The following OTX1 variants were observed in gnomAD, a reference collection of about 807,000 sequenced individuals.
The protein encoded by OTX1 is homeobox protein OTX1.
A neutral mutation model predicts 26.7 loss-of-function variants in OTX1; 7 were observed. The observed-to-expected ratio is 0.26, with a 90% CI of 0.15 to 0.49. The LOEUF is 0.49. Among genes scored for constraint, OTX1 ranks in the 20% least tolerant of loss-of-function variants. The pLI, the probability that OTX1 is intolerant of heterozygous loss-of-function variation, is 0.98. For synonymous variants in OTX1, 216 were observed against 212.8 expected, an observed-to-expected ratio of 1.01 and a Z score of -0.13; for missense variants, 414 against 483.8, an observed-to-expected ratio of 0.86 and a Z score of 1.35.
chr2:63,051,738 C>T (rs1490546664), intron 2 of OTX1: 1 of 152,596 alleles, frequency 6.6e-6, no homozygotes, highest in East Asian at 1.9e-4. Context: ...TTAGCTCTAA[C>T]TTCTCTCCTT....
intron 4 of OTX1, among the ~76,000 whole-genome samples, chr2:63,054,985 A>AC (rs2062053191): frequency 6.6e-6 from 1 of 152,016 alleles, no homozygotes; most frequent in Admixed American, 6.6e-5. Flanking sequence ...TCCTACCCCC[A>AC]CCCAAATACT....
rs773624262 is a variant in OTX1 at position 63,056,192 on chromosome 2, C to A, written c.941C>A (p.Ala314Asp). Residue 314 changes from alanine (A) to aspartate (D), a missense_variant, in exon 5 of 5, where the codon GCC becomes GAC. Ala to Asp is a moderately radical substitution (Grantham distance 126, BLOSUM62 -2). This residue lies in a region of OTX1 where 320 missense variants were observed against 347.9 expected (regional missense o/e 0.92). Coordinates refer to ENST00000282549, the MANE Select transcript of OTX1 (RefSeq NM_014562.4). Reference sequence around the variant, plus strand: ...GGCTCTGGGCTTGCCTTCAACTCTGCCGACTGCTTGGATTACAAGGAGCCT... The same window carrying A: ...GGCTCTGGGCTTGCCTTCAACTCTGACGACTGCTTGGATTACAAGGAGCCT... ...YGGSGLAFNS[A>D]DCLDYKEPGA... The A allele has an allele frequency of 1.2e-6, 2 of 1,614,068 alleles. No individual in the cohort carries two copies. Among genetic ancestry groups the A allele is most frequent in the Non-Finnish European group, 1.7e-6 (2 of 1,180,014 alleles).
intron 3 of OTX1, 107 bp from the exon 4 acceptor site, chr2:63,053,940 T>G: frequency 7.5e-7 from 1 of 1,335,476 alleles, no homozygotes; most frequent in Non-Finnish European, 1.0e-6. Context: ...AGTTCGGCTT[T>G]CTTTTGCGAA....
intron 3 of OTX1, 188 bp downstream of exon 3, chr2:63,053,275 G>A (rs748920688): frequency 8.6e-6 from 4 of 466,270 alleles, no homozygotes; most frequent in Non-Finnish European, 7.5e-6. Flanking sequence ...CGTGTGAGGT[G>A]GCCAGGGCTG....
chr2:63,055,800 G>T lies in OTX1; in HGVS notation c.549G>T (p.Ser183=). 1 of 1,611,988 alleles carries T rather than the reference G, an allele frequency of 6.2e-7. No homozygotes were observed. Among genetic ancestry groups the T allele is most frequent in the Non-Finnish European group, 8.5e-7 (1 of 1,179,648 alleles). The change falls in exon 5 of 5, where the codon TCG becomes TCT. Residue 183 remains serine, a synonymous_variant. Transcript: ENST00000282549. The surrounding 1 kb of genome is among the most constrained non-coding windows in gnomAD (Gnocchi z 5.2). ...ASSIWSPASI[S]PGSAPASVSV... ...CTATCTGGAGCCCGGCCTCCATCTC[G>T]CCAGGCTCAGCGCCCGCGTCCGTGT...
rs747760648 is a variant in OTX1, at chr2:63,053,059, C to T, written c.69C>T (p.Asp23=). The change falls in exon 3 of 5, where the codon GAC becomes GAT. Residue 23 remains aspartate (D), a synonymous_variant. Transcript: ENST00000282549. ...NGLGLAGPAM[D]LLHPSVGYPA... is the part of the protein sequence containing the mutation. Reference sequence around the variant, plus strand: ...TGGGCCTGGCCGGGCCCGCCATGGACCTCCTGCACCCATCCGTGGGCTATC... The same window carrying T: ...TGGGCCTGGCCGGGCCCGCCATGGATCTCCTGCACCCATCCGTGGGCTATC... 1.3e-6 allele frequency: 2 copies of T among 1,597,248 alleles called. No individual in the cohort carries two copies. Among genetic ancestry groups the T allele is most frequent in the East Asian group, 4.6e-5 (2 of 43,380 alleles).
At position 63,055,626 on chromosome 2, in the gene OTX1, C is replaced by A; in HGVS notation, c.375C>A (p.Gly125=). The A allele has an allele frequency of 1.2e-6, 2 of 1,614,176 alleles. No individual in the cohort carries two copies. The highest frequency in any genetic ancestry group is 1.7e-6 in the Non-Finnish European group (2 of 1,180,042). ...VRESSGSESS[G]QFTPPAVSSS... ...AGAGCTCGGGCTCCGAAAGCAGTGGCCAATTCACGCCGCCAGCTGTGTCCA... is the reference window on the plus strand; with the variant it reads ...AGAGCTCGGGCTCCGAAAGCAGTGGACAATTCACGCCGCCAGCTGTGTCCA... The change falls in exon 5 of 5, where the codon GGC becomes GGA. Residue 125 remains glycine (G), a synonymous_variant. Coordinates refer to ENST00000282549, the MANE Select transcript of OTX1 (RefSeq NM_014562.4). This position sits in a 1 kb window ranked among gnomAD's most constrained non-coding sequence, Gnocchi z 5.2.
chr2:63,055,814 C>G lies in OTX1; in HGVS notation c.563C>G (p.Pro188Arg), dbSNP rs1415828266. 1 of 1,612,138 alleles carries G rather than the reference C, an allele frequency of 6.2e-7. No individual in the cohort carries two copies. Among genetic ancestry groups the G allele is most frequent in the East Asian group, 2.2e-5 (1 of 44,858 alleles). Residue 188 changes from proline to arginine, a missense_variant, in exon 5 of 5, where the codon CCC becomes CGC. By Grantham distance (103) the Pro-to-Arg change is moderately radical. Around this residue, in one of 3 missense-constraint regions of OTX1, gnomAD observed 320 missense variants for 347.9 expected, o/e 0.92. Transcript: ENST00000282549. This position sits in a 1 kb window ranked among gnomAD's most constrained non-coding sequence, Gnocchi z 5.2. ...GCCTCCATCTCGCCAGGCTCAGCGC[C>G]CGCGTCCGTGTCGGTGCCGGAGCCA... ...SPASISPGSA[P>R]ASVSVPEPLA...
In OTX1 at chr2:63,056,344, G is replaced by C; in HGVS notation, c.*28G>C. 1.3e-6 allele frequency: 2 copies of C among 1,567,834 alleles called. No individual in the cohort carries two copies. The highest frequency in any genetic ancestry group is 1.2e-5 in the South Asian group (1 of 86,856). ...CCAGGAATGAAAGAGGAGAAGAAAC[G>C]CAACTACCTGCGCCCTCCGTGGTCC... On this transcript the variant is annotated 3_prime_UTR_variant, in exon 5 of 5. Transcript: ENST00000282549.
rs1185397451 is a variant in OTX1 at position 63,054,219 on chromosome 2, A to G, written c.249+21A>G. On this transcript the variant is annotated intron_variant, in intron 4 of 4. Transcript: ENST00000282549. ...TCCAGGTGCGCACTCCCCGGGCTCC[A>G]GGGTCTGGGTAGGGGAGCTGAGGCT... The G allele has an allele frequency of 5.1e-6, 8 of 1,571,334 alleles. No homozygotes were observed. The African/African-American group carries it at 8.1e-5, about 16-fold the overall frequency.
At position 63,056,148 on chromosome 2, in the gene OTX1, C is replaced by A. The variant is rs779428723; in HGVS notation, c.897C>A (p.His299Gln). ...GCCACCACCACCACCATCACCACCA[C>A]CACCACCAAGGCTACGGTGGCTCTG... ...SSGHHHHHHH[H>Q]HHQGYGGSGL... is the part of the protein sequence containing the mutation. Residue 299 changes from histidine to glutamine, a missense_variant, in exon 5 of 5, where the codon CAC (histidine) becomes CAA (glutamine). His to Gln is a conservative substitution (Grantham distance 24, BLOSUM62 0). Transcript: ENST00000282549. 1.2e-6 allele frequency: 2 copies of A among 1,614,082 alleles called. No individual in the cohort carries two copies. The highest frequency in any genetic ancestry group is 1.1e-5 in the South Asian group (1 of 91,074).
rs2062053988 is a variant in OTX1, at chr2:63,055,144, G to A, written c.250-357G>A. On this transcript the variant is annotated intron_variant, in intron 4 of 4. Transcript: ENST00000282549. This position sits in a 1 kb window ranked among gnomAD's most constrained non-coding sequence, Gnocchi z 5.2. ...AAACTGGGCCTCCAAACACACACGG[G>A]GCCTCCAAACATACACGGAAGCAGC... Among the ~76,000 whole-genome samples, 1 of 152,210 alleles carries A rather than the reference G, an allele frequency of 6.6e-6. No individual in the cohort carries two copies. Among genetic ancestry groups the A allele is most frequent in the South Asian group, 2.1e-4 (1 of 4,834 alleles).
At chr2:63,053,813 G>A (rs187591346) in intron 3 of OTX1, 7 of 553,974 alleles carry the variant, frequency 1.3e-5, no homozygotes, top group African/African-American at 3.9e-5. Context: ...CCTCTGAGAG[G>A]CATAGAGAGG....
chr2:63,056,275 G>A lies in OTX1; in HGVS notation c.1024G>A (p.Asp342Asn), dbSNP rs1328350438. Residue 342 changes from aspartate to asparagine, a missense_variant, in exon 5 of 5, where the codon GAC (aspartate) becomes AAC (asparagine). Physicochemically the swap from Asp to Asn is conservative, Grantham distance 23 (BLOSUM62 1). Transcript: ENST00000282549. Reference protein sequence around the residue: ...KLNFNSPDCLDYKDQASWRFQ... With the variant: ...KLNFNSPDCLNYKDQASWRFQ... ...CAACTTCAACTCCCCCGACTGTCTG[G>A]ACTATAAGGACCAAGCCTCATGGCG... The A allele has an allele frequency of 1.9e-6, 3 of 1,613,954 alleles. No individual in the cohort carries two copies.
chr2:63,050,336 G>T (rs188234433), upstream of OTX1, among the ~76,000 whole-genome samples: 964 of 152,270 alleles, frequency 6.3e-3, 12 homozygotes, highest in African/African-American at 0.022. Context: ...GGCCCGCGGC[G>T]CCGGGAGAGG....
At position 63,056,280 on chromosome 2, in the gene OTX1, T is replaced by C; in HGVS notation, c.1029T>C (p.Tyr343=). ...LNFNSPDCLD[Y]KDQASWRFQV... is the part of the protein sequence containing the mutation. ...TCAACTCCCCCGACTGTCTGGACTA[T>C]AAGGACCAAGCCTCATGGCGGTTCC... is the stretch of plus-strand genomic sequence containing the variant. The change falls in exon 5 of 5, where the codon TAT becomes TAC. Residue 343 remains tyrosine (Y), a synonymous_variant. Coordinates refer to ENST00000282549, the MANE Select transcript of OTX1 (RefSeq NM_014562.4). The C allele has an allele frequency of 6.2e-7, 1 of 1,614,090 alleles. No homozygotes were observed. Among genetic ancestry groups the C allele is most frequent in the Non-Finnish European group, 8.5e-7 (1 of 1,179,996 alleles).
Position 63,056,568 on chromosome 2 carries a change from A to C in OTX1, c.*252A>C, listed in dbSNP as rs1234600743. ...GCTTGGCCTACACATTCTATACAGG[A>C]GAGATGTATTATTTCCCCCCTTCAG... On this transcript the variant is annotated 3_prime_UTR_variant, in exon 5 of 5. Coordinates refer to ENST00000282549, the MANE Select transcript of OTX1 (RefSeq NM_014562.4). 1.6e-5 allele frequency: 9 copies of C among 567,070 alleles called. No individual in the cohort carries two copies. The highest frequency in any genetic ancestry group is 3.0e-5 in the Admixed American group (1 of 32,832). 35.1% of individuals were successfully genotyped at this position (567,070 alleles called of 1,614,324 possible). A position where few individuals can be genotyped will look rare whatever the true frequency, so the allele number is the denominator to read the frequency against.
chr2:63,053,123 T>C (rs368363172), intron 3 of OTX1, 36 bp downstream of exon 3: 1 of 1,410,512 alleles, frequency 7.1e-7, no homozygotes, highest in Non-Finnish European at 9.6e-7. Flanking sequence ...CCTCAGCCTC[T>C]CAAATGTTGG....
chr2:63,057,775 G>C lies in OTX1; in HGVS notation c.*1459G>C, dbSNP rs534976815. On this transcript the variant is annotated 3_prime_UTR_variant, in exon 5 of 5. Coordinates refer to ENST00000282549, the MANE Select transcript of OTX1 (RefSeq NM_014562.4). ...AAATTACTTGTTGAAATGTAAGGCA[G>C]TCCCCCTCCTCCTCTTTATCTACAT... is the stretch of plus-strand genomic sequence containing the variant. 1 of 152,064 alleles carries C rather than the reference G, an allele frequency of 6.6e-6. No individual in the cohort carries two copies. The highest frequency in any genetic ancestry group is 2.4e-5 in the African/African-American group (1 of 41,392). 9.4% of individuals were successfully genotyped at this position (152,064 alleles called of 1,614,324 possible). A position where few individuals can be genotyped will look rare whatever the true frequency, so the allele number is the denominator to read the frequency against.
Sources: gnomAD v4.1 joint callset for allele counts (sites outside exome capture counted in the v4.1 genomes callset) on GRCh38, gnomAD v4.1.1 for gene constraint, gnomAD v4.1.1 regional missense constraint, Gnocchi (gnomAD v3.1) non-coding constraint, MANE v1.5 for transcripts, NCBI Gene and HGNC (gene_info 2026-07-23, HGNC 2026-07-21) for gene names.